LEP: variants seen among roughly 807,000 people sequenced by gnomAD.
LEP encodes leptin (murine obesity homolog).
Under a neutral mutation model 9.8 loss-of-function variants are expected in LEP, and 6 were observed. The observed-to-expected ratio is 0.61, with a 90% CI of 0.34 to 1.21. The LOEUF is 1.21. LEP is among the 50% of genes most tolerant of loss of function. The probability of loss-of-function intolerance (pLI) is 0.04; values close to 1 mark genes in which losing one functional copy is unlikely to be tolerated. For synonymous variants in LEP, 112 were observed against 81.7 expected (o/e 1.37, Z -2.00); for missense variants, 134 against 198.1 (o/e 0.68, Z 1.94).
chr7:128,248,438 G>T (rs1006811412), intron 1 of LEP, among the ~76,000 whole-genome samples: 1 of 137,304 alleles, frequency 7.3e-6, no homozygotes, highest in Non-Finnish European at 1.6e-5. Flanking sequence ...GTCTAAAAAA[G>T]AAAAAAAAAA....
chr7:128,254,384 T>C lies in LEP; in HGVS notation c.145-20T>C, dbSNP rs1279605183. On this transcript the variant is annotated intron_variant, in intron 2 of 2. Transcript: ENST00000308868. ...CCTCCCACATGCTGAGCACTTGTTC[T>C]CCCTCTTCCTCCTGCATAGCAGTCA... The C allele has an allele frequency of 1.2e-6, 2 of 1,611,130 alleles. No homozygotes were observed. The highest frequency in any genetic ancestry group is 1.7e-6 in the Non-Finnish European group (2 of 1,179,994).
intron 1 of LEP, among the ~76,000 whole-genome samples, chr7:128,242,878 C>T (rs1795168073): frequency 2.0e-5 from 3 of 152,194 alleles, no homozygotes; most frequent in South Asian, 2.1e-4. Context: ...GCTTAGATGC[C>T]ACCAGGGGCG....
In LEP at chr7:128,252,099, C is replaced by G. The variant is rs1795281839; in HGVS notation, c.81C>G (p.Val27=). 1 of 1,614,000 alleles carries G rather than the reference C, an allele frequency of 6.2e-7. No homozygotes were observed. Among genetic ancestry groups the G allele is most frequent in the South Asian group, 1.1e-5 (1 of 91,088 alleles). Residue 27 remains valine (V), a synonymous_variant, in exon 2 of 3, where the codon GTC becomes GTG. Coordinates refer to ENST00000308868, the MANE Select transcript of LEP (RefSeq NM_000230.3). ...FYVQAVPIQK[V]QDDTKTLIKT... ...TCCAAGCTGTGCCCATCCAAAAAGT[C>G]CAAGATGACACCAAAACCCTCATCA...
chr7:128,243,982 C>G (rs1217892201), intron 1 of LEP, among the ~76,000 whole-genome samples: 1 of 152,170 alleles, frequency 6.6e-6, no homozygotes, highest in East Asian at 1.9e-4. Flanking sequence ...GGCACCATGG[C>G]TCACGCATAT....
chr7:128,251,947 T>G (rs766874856), intron 1 of LEP, 44 bp from the exon 2 acceptor site: 65 of 1,501,842 alleles, frequency 4.3e-5, no homozygotes, highest in South Asian at 5.6e-5. Context: ...GGGTGTATTC[T>G]GAGATACCGG....
intron 1 of LEP, among the ~76,000 whole-genome samples, chr7:128,243,875 T>C (rs1288664649): frequency 6.6e-6 from 1 of 152,186 alleles, no homozygotes; most frequent in South Asian, 2.1e-4. Context: ...CAGGTGTCAT[T>C]AATTGATCAG....
intron 1 of LEP, among the ~76,000 whole-genome samples, chr7:128,243,258 A>G (rs747936467): frequency 2.6e-5 from 4 of 152,194 alleles, no homozygotes; most frequent in African/African-American, 7.2e-5. Context: ...TGTTAGCTCT[A>G]TGGAATGGAA....
At position 128,254,968 on chromosome 7, in the gene LEP, TA is replaced by T. The variant is rs1795320361; in HGVS notation, c.*206del. The stretch of plus-strand genomic sequence containing the variant: ...AACCAAAGATATATACACAGGATCC[TA>T]TTCTCACCAGGAAGGGGGTCCACCC... On this transcript the variant is annotated 3_prime_UTR_variant, in exon 3 of 3. Transcript: ENST00000308868. 1.7e-6 allele frequency: 1 copy of T among 575,996 alleles called. No individual in the cohort carries two copies. Among genetic ancestry groups the T allele is most frequent in the South Asian group, 1.9e-5 (1 of 52,236 alleles). The allele number at this position is 575,996 out of a possible 1,614,324, so 35.7% of individuals were successfully genotyped here.
chr7:128,249,760 G>C (rs908459748), intron 1 of LEP, among the ~76,000 whole-genome samples: 2 of 152,150 alleles, frequency 1.3e-5, no homozygotes, highest in Non-Finnish European at 2.9e-5. Context: ...GTTGTGTGTT[G>C]GTGGGGCAGA....
chr7:128,249,576 AG>A (rs540887934), intron 1 of LEP, among the ~76,000 whole-genome samples: 199 of 152,334 alleles, frequency 1.3e-3, no homozygotes, highest in African/African-American at 4.5e-3. Context: ...GGAGACTCTG[AG>A]AAGTAAAGTA....
At position 128,252,162 on chromosome 7, in the gene LEP, G is replaced by GGTAAGGAGAGTATGCGGGCGT; in HGVS notation, c.144+18_144+19insCGTGTAAGGAGAGTATGCGGG. On this transcript the variant is annotated inframe_insertion and splice_region_variant. Coordinates refer to ENST00000308868, the MANE Select transcript of LEP (RefSeq NM_000230.3). ...CCAGGATCAATGACATTTCACACAC[G>GGTAAGGAGAGTATGCGGGCGT]GTAAGGAGAGTATGCGGGGACAAAG... 5.6e-6 allele frequency: 9 copies of GGTAAGGAGAGTATGCGGGCGT among 1,614,114 alleles called. No individual in the cohort carries two copies. Among genetic ancestry groups the GGTAAGGAGAGTATGCGGGCGT allele is most frequent in the Non-Finnish European group, 7.6e-6 (9 of 1,180,018 alleles).
At chr7:128,253,248 C>T (rs1054052068) in intron 2 of LEP, among the ~76,000 whole-genome samples, 17 of 152,114 alleles carry the variant, frequency 1.1e-4, no homozygotes, top group African/African-American at 3.6e-4. Context: ...CTGGCCCTGC[C>T]GCTCAAAGAT....
At position 128,254,874 on chromosome 7, in the gene LEP, T is replaced by G; in HGVS notation, c.*111T>G. 9.6e-6 allele frequency: 12 copies of G among 1,246,188 alleles called. No individual in the cohort carries two copies. The highest frequency in any genetic ancestry group is 1.3e-5 in the South Asian group (1 of 79,552). 77.2% of individuals were successfully genotyped at this position (1,246,188 alleles called of 1,614,324 possible). On this transcript the variant is annotated 3_prime_UTR_variant, in exon 3 of 3. Coordinates refer to ENST00000308868, the MANE Select transcript of LEP (RefSeq NM_000230.3). ...CATGGACACCCCTTATCCAGGACTC[T>G]GTCAATTTCCCTGACTCCTCTAAGC... is the stretch of plus-strand genomic sequence containing the variant.
At chr7:128,249,798 G>A (rs906394573) in intron 1 of LEP, among the ~76,000 whole-genome samples, 1 of 152,158 alleles carries the variant, frequency 6.6e-6, no homozygotes, top group Non-Finnish European at 1.5e-5. Flanking sequence ...GTCTCAGATG[G>A]ACCTGCTACC....
chr7:128,243,308 T>C (rs544918586), intron 1 of LEP, among the ~76,000 whole-genome samples: 45 of 152,328 alleles, frequency 3.0e-4, no homozygotes, highest in African/African-American at 7.9e-4. Context: ...ACTAATATCA[T>C]AGGAGATTTA....
intron 1 of LEP, among the ~76,000 whole-genome samples, chr7:128,245,465 C>T (rs1795200377): frequency 6.6e-6 from 1 of 152,196 alleles, no homozygotes; most frequent in Admixed American, 6.5e-5. Flanking sequence ...CCAAACTTCG[C>T]TGCCTTTATT....
At chr7:128,252,264 T>G (rs912621485) in intron 2 of LEP, 102 bp downstream of exon 2, 30 of 1,279,750 alleles carry the variant, frequency 2.3e-5, no homozygotes, top group Non-Finnish European at 3.1e-5. Flanking sequence ...ATTGAACGCC[T>G]CCTGAATGCC....
chr7:128,252,039 C>A lies in LEP; in HGVS notation c.21C>A (p.Cys7Ter). MHWGTL[C>*]GFLWLWPYLF... Reference sequence around the variant, plus strand: ...GGAAAATGCATTGGGGAACCCTGTGCGGATTCTTGTGGCTTTGGCCCTATC... The same window carrying A: ...GGAAAATGCATTGGGGAACCCTGTGAGGATTCTTGTGGCTTTGGCCCTATC... Residue 7 changes from cysteine (C) to a stop codon, truncating the protein, a stop_gained, in exon 2 of 3, where the codon TGC (cysteine) becomes TGA (stop). Transcript: ENST00000308868. LOFTEE classifies it high-confidence loss of function. The A allele has an allele frequency of 1.2e-6, 2 of 1,614,168 alleles. No individual in the cohort carries two copies. The highest frequency in any genetic ancestry group is 1.1e-5 in the South Asian group (1 of 91,078).
chr7:128,245,284 C>T (rs1795198412), intron 1 of LEP, among the ~76,000 whole-genome samples: 1 of 152,176 alleles, frequency 6.6e-6, no homozygotes, highest in South Asian at 2.1e-4. Context: ...GGCCTCAGTT[C>T]ACACACTGCC....
Sources: allele counts gnomAD v4.1 joint callset (sites outside exome capture counted in the v4.1 genomes callset), GRCh38; gene constraint gnomAD v4.1.1; transcripts MANE v1.5; gene names NCBI Gene and HGNC (gene_info 2026-07-23, HGNC 2026-07-21).